MYDGF: variants seen among roughly 807,000 people sequenced by gnomAD.
The protein encoded by MYDGF is myeloid-derived growth factor.
In MYDGF, 29 loss-of-function variants were observed where a neutral mutation model predicts 24.2. That is an observed-to-expected ratio of 1.20 (90% CI 0.89 to 1.63). The LOEUF (loss-of-function observed/expected upper bound fraction) is 1.63. Ranked by LOEUF, MYDGF falls within the 40% of genes most tolerant of loss-of-function variation. The pLI is 0.00. For missense variants in MYDGF, 245 were observed against 234.8 expected, an observed-to-expected ratio of 1.04 and a Z score of -0.29; for synonymous variants, 105 against 102.5, an observed-to-expected ratio of 1.02 and a Z score of -0.15.
intron 3 of MYDGF, 84 bp downstream of exon 3, chr19:4,664,792 C>T (rs1455159926): frequency 1.2e-5 from 18 of 1,476,916 alleles, no homozygotes; most frequent in South Asian, 6.1e-5. Flanking sequence ...GTGCAGCCCT[C>T]GTTCCCTGCC....
chr19:4,665,560 G>C (rs1450765174), intron 2 of MYDGF, among the ~76,000 whole-genome samples: 1 of 152,034 alleles, frequency 6.6e-6, no homozygotes, highest in Admixed American at 6.6e-5. Context: ...GGTGGCTCAC[G>C]CCTGTAATCC....
At chr19:4,662,930 C>T (rs1055885071) in intron 3 of MYDGF, among the ~76,000 whole-genome samples, 2 of 151,990 alleles carry the variant, frequency 1.3e-5, no homozygotes, top group African/African-American at 4.8e-5. Context: ...CTTCCTCCTC[C>T]TCCTACCCCA....
intron 3 of MYDGF, among the ~76,000 whole-genome samples, chr19:4,663,518 C>T: frequency 8.7e-6 from 1 of 114,922 alleles, no homozygotes; most frequent in Non-Finnish European, 1.8e-5. Context: ...CCACCCACCC[C>T]ATCCTCATTC....
At chr19:4,663,895 G>A (rs964258380) in intron 3 of MYDGF, among the ~76,000 whole-genome samples, 3 of 150,052 alleles carry the variant, frequency 2.0e-5, no homozygotes, top group Middle Eastern at 3.4e-3. Context: ...CCTGGTTGGT[G>A]CCTGGAGGGG....
chr19:4,669,956 CTA>C lies in MYDGF; in HGVS notation c.174+203_174+204del, dbSNP rs527321105. Among the ~76,000 whole-genome samples the C allele has an allele frequency of 1.8e-3, 274 of 151,966 alleles. 2 individuals are homozygous for C. Among genetic ancestry groups the C allele is most frequent in the African/African-American group, 5.8e-3 (241 of 41,452 alleles). ...GCCGGGGCCCACAAGGCCCCGCTCCCTATGAGTTCAGTCCTGCCCCAGTGATG... is the reference window on the plus strand; with the variant it reads ...GCCGGGGCCCACAAGGCCCCGCTCCCTGAGTTCAGTCCTGCCCCAGTGATG... On this transcript the variant is annotated intron_variant, in intron 1 of 5. Transcript: ENST00000262947.
intron 2 of MYDGF, among the ~76,000 whole-genome samples, chr19:4,666,562 C>T (rs1445424220): frequency 6.6e-6 from 1 of 151,246 alleles, no homozygotes; most frequent in East Asian, 2.0e-4. Context: ...AGGCGTGAGC[C>T]ACCGCGCCCA....
At chr19:4,661,080 C>T (rs2088466969) in intron 3 of MYDGF, among the ~76,000 whole-genome samples, 2 of 151,676 alleles carry the variant, frequency 1.3e-5, no homozygotes, top group Non-Finnish European at 2.9e-5. Context: ...GATTCTCCTG[C>T]CTTAGCCTCC....
rs2088433870 is a variant in MYDGF, at chr19:4,657,754, T to C, written c.*251A>G. The stretch of plus-strand genomic sequence containing the variant: ...TCTTTGTGCCCCGGATCTGCGATCC[T>C]GAGTCCAGAAGAGCTCAGCAGGAAG... On this transcript the variant is annotated 3_prime_UTR_variant, in exon 6 of 6. Coordinates refer to ENST00000262947, the MANE Select transcript of MYDGF (RefSeq NM_019107.4). 5.8e-6 allele frequency: 2 copies of C among 345,708 alleles called. No homozygotes were observed. Among genetic ancestry groups the C allele is most frequent in the Non-Finnish European group, 1.1e-5 (2 of 187,922 alleles). The allele number at this position is 345,708 out of a possible 1,614,324, so 21.4% of individuals were successfully genotyped here.
At chr19:4,663,673 A>C (rs1568287173) in intron 3 of MYDGF, among the ~76,000 whole-genome samples, 1 of 60,942 alleles carries the variant, frequency 1.6e-5, no homozygotes. Flanking sequence ...CCTCCAGTAT[A>C]CCCTCCCCAC....
At chr19:4,661,807 G>C (rs1052726473) in intron 3 of MYDGF, among the ~76,000 whole-genome samples, 1 of 152,128 alleles carries the variant, frequency 6.6e-6, no homozygotes, top group African/African-American at 2.4e-5. Flanking sequence ...AGGTCTCCGG[G>C]GCTGAGCATG....
At position 4,657,982 on chromosome 19, in the gene MYDGF, GC is replaced by G; in HGVS notation, c.*22del. On this transcript the variant is annotated 3_prime_UTR_variant, in exon 6 of 6. Coordinates refer to ENST00000262947, the MANE Select transcript of MYDGF (RefSeq NM_019107.4). ...TCAGCTTCACCGGAGATGAGAAGGT[GC>G]CACCCGCAACAGGGCTGCTGGTCAC... The G allele has an allele frequency of 6.3e-7, 1 of 1,595,510 alleles. No homozygotes were observed. Among genetic ancestry groups the G allele is most frequent in the Non-Finnish European group, 8.5e-7 (1 of 1,172,114 alleles).
chr19:4,661,141 AT>A (rs1422370442), intron 3 of MYDGF, among the ~76,000 whole-genome samples: 1 of 151,758 alleles, frequency 6.6e-6, no homozygotes, highest in Non-Finnish European at 1.5e-5. Flanking sequence ...TAATTTTGGT[AT>A]TTTTAGTAAA....
At chr19:4,669,053 G>A (rs1289134950) in intron 1 of MYDGF, among the ~76,000 whole-genome samples, 1 of 152,066 alleles carries the variant, frequency 6.6e-6, no homozygotes, top group African/African-American at 2.4e-5. Context: ...ATGGGACCTG[G>A]ACAAGTGAAA....
intron 5 of MYDGF, 62 bp downstream of exon 5, chr19:4,659,869 C>A: frequency 6.6e-7 from 1 of 1,516,130 alleles, no homozygotes; most frequent in Non-Finnish European, 9.2e-7. Context: ...TCCAAACTGC[C>A]CCGATTGCCC....
chr19:4,667,852 C>T (rs1390264976), intron 2 of MYDGF, among the ~76,000 whole-genome samples: 1 of 152,106 alleles, frequency 6.6e-6, no homozygotes. Context: ...TGCACGCCAC[C>T]ACGCTGGGCT....
At chr19:4,665,714 G>A (rs949823658) in intron 2 of MYDGF, among the ~76,000 whole-genome samples, 7 of 151,256 alleles carry the variant, frequency 4.6e-5, no homozygotes, top group African/African-American at 2.4e-5. Context: ...CCAGCTACTC[G>A]GGAGGCTAAG....
intron 4 of MYDGF, 74 bp downstream of exon 4, chr19:4,660,595 G>T: frequency 2.2e-6 from 3 of 1,381,798 alleles, no homozygotes; most frequent in Non-Finnish European, 3.1e-6. Context: ...GAGCCCTCTT[G>T]TGGCAGGACA....
intron 2 of MYDGF, among the ~76,000 whole-genome samples, chr19:4,665,358 G>T (rs1245690843): frequency 2.6e-5 from 4 of 152,042 alleles, no homozygotes; most frequent in Non-Finnish European, 5.9e-5. Flanking sequence ...AAGTAGCTGG[G>T]ACCACACCCA....
chr19:4,665,003 G>T, intron 2 of MYDGF, 66 bp from the exon 3 acceptor site: 4 of 1,537,862 alleles, frequency 2.6e-6, no homozygotes, highest in Non-Finnish European at 3.5e-6. Flanking sequence ...TTCTAGGTGT[G>T]CCTCTGATTC....
Sources: gnomAD v4.1 joint callset for allele counts (sites outside exome capture counted in the v4.1 genomes callset) on GRCh38, gnomAD v4.1.1 for gene constraint, MANE v1.5 for transcripts, NCBI Gene and HGNC (gene_info 2026-07-23, HGNC 2026-07-21) for gene names.